The following SPRY2 variants were observed in gnomAD, a reference collection of about 807,000 sequenced individuals.
The protein encoded by SPRY2 is sprouty RTK signaling antagonist 2, also known as protein sprouty homolog 2.
Under a neutral mutation model 23.4 loss-of-function variants are expected in SPRY2, and 10 were observed. That is an observed-to-expected ratio of 0.43 (90% CI 0.26 to 0.73). The LOEUF is 0.73. SPRY2 is among the 30% of genes least tolerant of loss of function. SPRY2 has a pLI of 0.22. For missense variants in SPRY2, 344 were observed against 396.9 expected, an observed-to-expected ratio of 0.87 and a Z score of 1.13; for synonymous variants, 170 against 156.9, an observed-to-expected ratio of 1.08 and a Z score of -0.62.
rs1337608150 is a variant in SPRY2 at position 80,337,395 on chromosome 13, C to T, written c.311G>A (p.Arg104Gln). The part of the protein sequence containing the change: ...LQHSQVHSSA[R>Q]APLSRSISTV... The stretch of plus-strand genomic sequence containing the variant: ...GCTTATGGATCTGGACAGAGGGGCT[C>T]GTGCAGAAGAATGGACCTGCGAGTG... The change falls in exon 2 of 2, where the codon CGA (arginine) becomes CAA (glutamine). Residue 104 changes from arginine (R) to glutamine (Q), a missense_variant. By Grantham distance (43) the Arg-to-Gln change is conservative. Coordinates refer to ENST00000377104, the MANE Select transcript of SPRY2 (RefSeq NM_005842.4). The T allele has an allele frequency of 1.9e-6, 3 of 1,613,970 alleles. No individual in the cohort carries two copies. The highest frequency in any genetic ancestry group is 1.7e-5 in the Admixed American group (1 of 59,976).
At chr13:80,339,901 T>C (rs1440494862) in intron 1 of SPRY2, among the ~76,000 whole-genome samples, 2 of 152,238 alleles carry the variant, frequency 1.3e-5, no homozygotes, top group Non-Finnish European at 2.9e-5. Flanking sequence ...ATGACTTTCT[T>C]CCTGCGCTGG....
Position 80,337,400 on chromosome 13 carries a change from A to G in SPRY2, c.306T>C (p.Ser102=), listed in dbSNP as rs145102005. The change falls in exon 2 of 2, where the codon TCT becomes TCC. Residue 102 remains serine, a synonymous_variant. Coordinates refer to ENST00000377104, the MANE Select transcript of SPRY2 (RefSeq NM_005842.4). The part of the protein sequence containing the change: ...PRLQHSQVHS[S]ARAPLSRSIS... ...TGGATCTGGACAGAGGGGCTCGTGCAGAAGAATGGACCTGCGAGTGCTGGA... is the reference window on the plus strand; with the variant it reads ...TGGATCTGGACAGAGGGGCTCGTGCGGAAGAATGGACCTGCGAGTGCTGGA... The G allele has an allele frequency of 1.5e-5, 25 of 1,613,992 alleles. No individual in the cohort carries two copies. The African/African-American group carries it at 1.9e-4, about 12-fold the overall frequency.
rs768783472 is a variant in SPRY2, at chr13:80,337,399, CAGA to C, written c.304_306del (p.Ser102del). 4 of 1,614,120 alleles carry C rather than the reference CAGA, an allele frequency of 2.5e-6. No homozygotes were observed. The highest frequency in any genetic ancestry group is 3.3e-4 in the Middle Eastern group (2 of 6,062). ...ATGGATCTGGACAGAGGGGCTCGTG[CAGA>C]AGAATGGACCTGCGAGTGCTGGAGC... On this transcript the variant is annotated inframe_deletion, in exon 2 of 2. Coordinates refer to ENST00000377104, the MANE Select transcript of SPRY2 (RefSeq NM_005842.4).
At chr13:80,340,540 C>G (rs1880474048) in intron 1 of SPRY2, 82 bp downstream of exon 1, 1 of 152,388 alleles carries the variant, frequency 6.6e-6, no homozygotes, top group African/African-American at 2.4e-5. Flanking sequence ...GGACCCAACT[C>G]CTGGTCCGGC....
In SPRY2 at chr13:80,337,733, C is replaced by T. The variant is rs761632096; in HGVS notation, c.-28G>A. The T allele has an allele frequency of 5.0e-6, 8 of 1,597,634 alleles. No homozygotes were observed. The highest frequency in any genetic ancestry group is 1.7e-5 in the Admixed American group (1 of 59,918). ...GGTCTTGGAAGTGTGGTCACTCCAG[C>T]AGGCTTAGAACACATCTGAACTCCT... On this transcript the variant is annotated 5_prime_UTR_variant, in exon 2 of 2. Transcript: ENST00000377104.
In SPRY2 at chr13:80,336,686, A is replaced by G. The variant is rs1050768559; in HGVS notation, c.*72T>C. 15 of 1,374,330 alleles carry G rather than the reference A, an allele frequency of 1.1e-5. No individual in the cohort carries two copies. Among genetic ancestry groups the G allele is most frequent in the Non-Finnish European group, 1.4e-5 (14 of 984,676 alleles). The allele number at this position is 1,374,330 out of a possible 1,614,324, so 85.1% of individuals were successfully genotyped here. A position where few individuals can be genotyped will look rare whatever the true frequency, so the allele number is the denominator to read the frequency against. The stretch of plus-strand genomic sequence containing the variant: ...AACAGTGCCAAGATTATAACTGTTT[A>G]GTTGGTTGCATATGTGTATTAAAAA... On this transcript the variant is annotated 3_prime_UTR_variant, in exon 2 of 2. Coordinates refer to ENST00000377104, the MANE Select transcript of SPRY2 (RefSeq NM_005842.4).
chr13:80,337,334 T>C lies in SPRY2; in HGVS notation c.372A>G (p.Thr124=). ...VSSGSRSSTR[T]STSSSSSEQR... ...GTTCAGAGGAGCTGCTGCTGGTACT[T>C]GTCCTCGTACTGCTCCGCGACCCTG... Residue 124 remains threonine, a synonymous_variant, in exon 2 of 2, where the codon ACA becomes ACG. Coordinates refer to ENST00000377104, the MANE Select transcript of SPRY2 (RefSeq NM_005842.4). The C allele has an allele frequency of 6.2e-7, 1 of 1,614,170 alleles. No homozygotes were observed. The highest frequency in any genetic ancestry group is 8.5e-7 in the Non-Finnish European group (1 of 1,180,036).
rs747414902 is a variant in SPRY2 at position 80,337,279 on chromosome 13, CGGA to C, written c.424_426del (p.Ser142del). ...CGGATTATGCCATCAGCAACAGGCC[CGGA>C]GGAGAAGGATGATCCTAGCAGTCTC... On this transcript the variant is annotated inframe_deletion, in exon 2 of 2. Transcript: ENST00000377104. 11 of 1,613,672 alleles carry C rather than the reference CGGA, an allele frequency of 6.8e-6. No homozygotes were observed. The South Asian group carries it at 8.8e-5, about 13-fold the overall frequency.
intron 1 of SPRY2, chr13:80,339,210 ATCCGGCACAGGT>A (rs1284242328): frequency 1.3e-5 from 2 of 152,240 alleles, no homozygotes; most frequent in Non-Finnish European, 2.9e-5. Context: ...CCCCTCGGAC[ATCCGGCACAGGT>A]TTCCCACCCC....
intron 1 of SPRY2, among the ~76,000 whole-genome samples, chr13:80,338,497 T>C (rs1880378041): frequency 6.6e-6 from 1 of 152,236 alleles, no homozygotes; most frequent in African/African-American, 2.4e-5. Context: ...TACAGTCTGA[T>C]AGCCTAGAAC....
At position 80,336,139 on chromosome 13, in the gene SPRY2, AT is replaced by A. The variant is rs1428132982; in HGVS notation, c.*618del. On this transcript the variant is annotated 3_prime_UTR_variant, in exon 2 of 2. Transcript: ENST00000377104. ...TAAAATAATAAAACTTCAAATAAAT[AT>A]TCTTTACACTAAACAATATGTTGAA... 1.3e-5 allele frequency: 2 copies of A among 152,294 alleles called. No homozygotes were observed. The highest frequency in any genetic ancestry group is 2.9e-5 in the Non-Finnish European group (2 of 68,106). 9.4% of individuals were successfully genotyped at this position (152,294 alleles called of 1,614,324 possible). A position where few individuals can be genotyped will look rare whatever the true frequency, so the allele number is the denominator to read the frequency against.
rs1180952990 is a variant in SPRY2 at position 80,341,024 on chromosome 13, G to GGCCGA, written c.-455_-454insTCGGC. 6.8e-6 allele frequency: 1 copy of GGCCGA among 148,050 alleles called. No homozygotes were observed. Among genetic ancestry groups the GGCCGA allele is most frequent in the Non-Finnish European group, 1.5e-5 (1 of 66,232 alleles). 9.2% of individuals were successfully genotyped at this position (148,050 alleles called of 1,614,324 possible). A position where few individuals can be genotyped will look rare whatever the true frequency, so the allele number is the denominator to read the frequency against. On this transcript the variant is annotated 5_prime_UTR_variant, in exon 1 of 2. Transcript: ENST00000377104. The stretch of plus-strand genomic sequence containing the variant: ...GTAGCGGAGGCGGCGCGGGGGCGCG[G>GGCCGA]GCCGGGCCGGGCCGGGCGGGCGCGG...
In SPRY2 at chr13:80,340,842, A is replaced by C. The variant is rs1880486568; in HGVS notation, c.-272T>G. ...AGCTGGAGACGACTCCCCTTCTACA[A>C]GCGCACGCGGAGTATTTCCTCTTTT... On this transcript the variant is annotated 5_prime_UTR_variant, in exon 1 of 2. Transcript: ENST00000377104. The C allele has an allele frequency of 6.6e-6, 1 of 152,198 alleles. No homozygotes were observed. The highest frequency in any genetic ancestry group is 1.5e-5 in the Non-Finnish European group (1 of 68,028). 9.4% of individuals were successfully genotyped at this position (152,198 alleles called of 1,614,324 possible). A position where few individuals can be genotyped will look rare whatever the true frequency, so the allele number is the denominator to read the frequency against.
Position 80,337,316 on chromosome 13 carries a change from G to A in SPRY2, c.390C>T (p.Ser130=), listed in dbSNP as rs760370587. ...SSTRTSTSSS[S]SEQRLLGSSF... ...ATGATCCTAGCAGTCTCTGTTCAGA[G>A]GAGCTGCTGCTGGTACTTGTCCTCG... Residue 130 remains serine, a synonymous_variant, in exon 2 of 2, where the codon TCC becomes TCT. Transcript: ENST00000377104. 1 of 1,614,204 alleles carries A rather than the reference G, an allele frequency of 6.2e-7. No individual in the cohort carries two copies. Among genetic ancestry groups the A allele is most frequent in the Admixed American group, 1.7e-5 (1 of 60,026 alleles).
chr13:80,337,352 C>T lies in SPRY2; in HGVS notation c.354G>A (p.Ser118=), dbSNP rs767605678. The T allele has an allele frequency of 9.9e-5, 160 of 1,614,020 alleles. No homozygotes were observed. Among genetic ancestry groups the T allele is most frequent in the Non-Finnish European group, 1.4e-4 (160 of 1,180,044 alleles). The stretch of plus-strand genomic sequence containing the variant: ...TGGTACTTGTCCTCGTACTGCTCCG[C>T]GACCCTGAGCTGACCGTGCTTATGG... ...SRSISTVSSG[S]RSSTRTSTSS... The change falls in exon 2 of 2, where the codon TCG becomes TCA. Residue 118 remains serine, a synonymous_variant. Coordinates refer to ENST00000377104, the MANE Select transcript of SPRY2 (RefSeq NM_005842.4).
Position 80,340,861 on chromosome 13 carries a change from C to T in SPRY2, c.-291G>A, listed in dbSNP as rs1426170867. 3 of 152,222 alleles carry T rather than the reference C, an allele frequency of 2.0e-5. No homozygotes were observed. Among genetic ancestry groups the T allele is most frequent in the African/African-American group, 4.8e-5 (2 of 41,480 alleles). 9.4% of individuals were successfully genotyped at this position (152,222 alleles called of 1,614,324 possible). A position where few individuals can be genotyped will look rare whatever the true frequency, so the allele number is the denominator to read the frequency against. On this transcript the variant is annotated 5_prime_UTR_variant, in exon 1 of 2. Coordinates refer to ENST00000377104, the MANE Select transcript of SPRY2 (RefSeq NM_005842.4). Reference sequence around the variant, plus strand: ...TCTACAAGCGCACGCGGAGTATTTCCTCTTTTTTCTCAATGAACAAGAGGC... The same window carrying T: ...TCTACAAGCGCACGCGGAGTATTTCTTCTTTTTTCTCAATGAACAAGAGGC...
rs759575588 is a variant in SPRY2, at chr13:80,336,959, A to G, written c.747T>C (p.Cys249=). 11 of 1,614,250 alleles carry G rather than the reference A, an allele frequency of 6.8e-6. 1 individual carries two copies. In the South Asian group the frequency reaches 1.2e-4, roughly 18 times the overall value. The change falls in exon 2 of 2, where the codon TGT becomes TGC. Residue 249 remains cysteine, a synonymous_variant. Transcript: ENST00000377104. ...DNPCSCSQSH[C]CTRWSAMGVM... is the part of the protein sequence containing the mutation. The stretch of plus-strand genomic sequence containing the variant: ...CACCCATGGCTGACCATCGTGTACA[A>G]CAGTGAGACTGGCTGCAAGAACATG...
chr13:80,337,000 T>C lies in SPRY2; in HGVS notation c.706A>G (p.Asn236Asp). 6.2e-7 allele frequency: 1 copy of C among 1,614,234 alleles called. No individual in the cohort carries two copies. The highest frequency in any genetic ancestry group is 8.5e-7 in the Non-Finnish European group (1 of 1,180,038). Residue 236 changes from asparagine (N) to aspartate (D), a missense_variant, in exon 2 of 2, where the codon AAC (asparagine) becomes GAC (aspartate). Asn to Asp is a conservative substitution (Grantham distance 23). Transcript: ENST00000377104. The stretch of plus-strand genomic sequence containing the variant: ...CAAGAACATGGGTTGTCAGCACAGT[T>C]GTCCTCATCATCATTAGAACAGTGA... ...FYHCSNDDED[N>D]CADNPCSCSQ...
rs1263952170 is a variant in SPRY2 at position 80,341,023 on chromosome 13, G to C, written c.-453C>G. The C allele has an allele frequency of 1.4e-5, 2 of 148,028 alleles. No individual in the cohort carries two copies. The highest frequency in any genetic ancestry group is 3.0e-5 in the Non-Finnish European group (2 of 66,214). 9.2% of individuals were successfully genotyped at this position (148,028 alleles called of 1,614,324 possible). On this transcript the variant is annotated 5_prime_UTR_variant, in exon 1 of 2. Coordinates refer to ENST00000377104, the MANE Select transcript of SPRY2 (RefSeq NM_005842.4). ...CGTAGCGGAGGCGGCGCGGGGGCGC[G>C]GGCCGGGCCGGGCCGGGCGGGCGCG...
Sources: gnomAD v4.1 joint callset for allele counts (sites outside exome capture counted in the v4.1 genomes callset) on GRCh38, gnomAD v4.1.1 for gene constraint, MANE v1.5 for transcripts, NCBI Gene and HGNC (gene_info 2026-07-23, HGNC 2026-07-21) for gene names.